The following SENP7 variants were observed in gnomAD, a reference collection of about 807,000 sequenced individuals.
The protein encoded by SENP7 is SUMO specific peptidase 7, also known as sentrin-specific protease 7.
Under a neutral mutation model 141.2 loss-of-function variants are expected in SENP7, and 64 were observed. The observed-to-expected ratio is 0.45, with a 90% CI of 0.37 to 0.56. SENP7 has a LOEUF of 0.56. Among genes scored for constraint, SENP7 ranks in the 20% least tolerant of loss-of-function variants. The pLI is 0.00. For synonymous variants in SENP7, 382 were observed against 426.4 expected, an observed-to-expected ratio of 0.90 and a Z score of 1.28; for missense variants, 1,025 against 1,212.2, an observed-to-expected ratio of 0.85 and a Z score of 2.29.
chr3:101,355,442 T>C (rs1237654845), intron 11 of SENP7, among the ~76,000 whole-genome samples: 1 of 152,204 alleles, frequency 6.6e-6, no homozygotes, highest in African/African-American at 2.4e-5. Context: ...TAGCCAGTTA[T>C]CTTAGCACCG....
chr3:101,451,969 G>C (rs528133681), intron 4 of SENP7, among the ~76,000 whole-genome samples: 1 of 152,280 alleles, frequency 6.6e-6, no homozygotes, highest in African/African-American at 2.4e-5. Flanking sequence ...AAACCCCATT[G>C]TCTCAGCCCA....
At chr3:101,363,785 C>T (rs1378018339) in intron 10 of SENP7, among the ~76,000 whole-genome samples, 3 of 152,146 alleles carry the variant, frequency 2.0e-5, no homozygotes, top group South Asian at 2.1e-4. Context: ...TTTCATAGAT[C>T]GGGCCAACTC....
At chr3:101,374,328 A>G (rs765348548) in intron 6 of SENP7, among the ~76,000 whole-genome samples, 1 of 152,236 alleles carries the variant, frequency 6.6e-6, no homozygotes, top group Non-Finnish European at 1.5e-5. Flanking sequence ...ACACCTAAAT[A>G]TAAGGCAGAA....
At chr3:101,331,713 T>C (rs2059059666) in intron 19 of SENP7, among the ~76,000 whole-genome samples, 1 of 152,090 alleles carries the variant, frequency 6.6e-6, no homozygotes, top group Non-Finnish European at 1.5e-5. Flanking sequence ...GTATTGATGT[T>C]GGTCATATTA....
chr3:101,497,595 C>A (rs185441855), intron 2 of SENP7, among the ~76,000 whole-genome samples: 1 of 151,310 alleles, frequency 6.6e-6, no homozygotes, highest in Non-Finnish European at 1.5e-5. Context: ...CTTTGACCAA[C>A]AAATCTGTAA....
intron 9 of SENP7, among the ~76,000 whole-genome samples, chr3:101,365,899 T>C (rs954491579): frequency 6.6e-6 from 1 of 152,168 alleles, no homozygotes; most frequent in Admixed American, 6.5e-5. Context: ...TCTAACAGTG[T>C]ATTGTGCCAT....
intron 3 of SENP7, among the ~76,000 whole-genome samples, chr3:101,463,377 A>ATATATATG (rs2063631006): frequency 1.1e-5 from 1 of 87,414 alleles, no homozygotes; most frequent in Non-Finnish European, 2.2e-5. Context: ...ATATATATAT[A>ATATATATG]TATATATATA....
intron 6 of SENP7, among the ~76,000 whole-genome samples, chr3:101,377,220 T>C (rs1199892643): frequency 6.6e-6 from 1 of 152,172 alleles, no homozygotes; most frequent in African/African-American, 2.4e-5. Flanking sequence ...GGAAGTTATC[T>C]ATCCTAACGG....
At chr3:101,454,041 G>T (rs566678431) in intron 4 of SENP7, among the ~76,000 whole-genome samples, 1 of 152,256 alleles carries the variant, frequency 6.6e-6, no homozygotes, top group African/African-American at 2.4e-5. Flanking sequence ...AACGGAAGGA[G>T]ATAAGCACTG....
chr3:101,440,725 A>T (rs998574727), intron 4 of SENP7, among the ~76,000 whole-genome samples: 1 of 152,130 alleles, frequency 6.6e-6, no homozygotes, highest in Non-Finnish European at 1.5e-5. Context: ...AAGAAAAAAA[A>T]CCATATATGA....
chr3:101,352,731 C>G (rs189529962), intron 11 of SENP7, among the ~76,000 whole-genome samples: 9 of 152,040 alleles, frequency 5.9e-5, no homozygotes, highest in Admixed American at 5.2e-4. Context: ...GGTCTGTGAG[C>G]ACAAAACGAA....
chr3:101,363,091 A>G, intron 10 of SENP7: 1 of 718,362 alleles, frequency 1.4e-6, no homozygotes, highest in Non-Finnish European at 1.7e-6. Flanking sequence ...AACATATATC[A>G]TACTCATTAT....
At chr3:101,359,448 T>C (rs1358591895) in intron 11 of SENP7, among the ~76,000 whole-genome samples, 2 of 151,012 alleles carry the variant, frequency 1.3e-5, no homozygotes, top group African/African-American at 4.8e-5. Context: ...AGGGATAGTT[T>C]GACTTCCTCT....
At position 101,330,380 on chromosome 3, in the gene SENP7, T is replaced by A. The variant is rs2059017130; in HGVS notation, c.2705A>T (p.Asp902Val). ...SQNDNKTIDNDLRTTSTLSLS... is the reference protein window; with the variant it reads ...SQNDNKTIDNVLRTTSTLSLS... Reference sequence around the variant, plus strand: ...AGACAGTGTCGAAGTAGTACGTAGATCATTATCTAGTTAGAAATAATTAAG... The same window carrying A: ...AGACAGTGTCGAAGTAGTACGTAGAACATTATCTAGTTAGAAATAATTAAG... The change falls in exon 20 of 24, where the codon GAT (aspartate) becomes GTT (valine). Residue 902 changes from aspartate (D) to valine (V), a missense_variant. By Grantham distance (152) the Asp-to-Val change is radical. Transcript: ENST00000394095. 1 of 1,604,362 alleles carries A rather than the reference T, an allele frequency of 6.2e-7. No individual in the cohort carries two copies. The highest frequency in any genetic ancestry group is 1.3e-5 in the African/African-American group (1 of 74,658).
chr3:101,400,947 A>G (rs749805300), intron 5 of SENP7, among the ~76,000 whole-genome samples: 8 of 151,914 alleles, frequency 5.3e-5, no homozygotes, highest in Non-Finnish European at 1.5e-5. Context: ...ATAATTAACG[A>G]GCCATCCAGC....
chr3:101,486,140 A>C (rs1458763719), intron 3 of SENP7, among the ~76,000 whole-genome samples: 1 of 152,128 alleles, frequency 6.6e-6, no homozygotes, highest in East Asian at 1.9e-4. Context: ...AAGAATAATC[A>C]GTGTTGCTGA....
intron 2 of SENP7, among the ~76,000 whole-genome samples, chr3:101,500,095 ACTT>A (rs1193015269): frequency 3.9e-5 from 6 of 152,142 alleles, no homozygotes; most frequent in Non-Finnish European, 8.8e-5. Context: ...TTCCTTTATG[ACTT>A]CTTCTCCTTC....
chr3:101,367,077 A>G (rs1385705503), intron 8 of SENP7, among the ~76,000 whole-genome samples: 1 of 152,176 alleles, frequency 6.6e-6, no homozygotes, highest in Non-Finnish European at 1.5e-5. Context: ...ATGTATTTAC[A>G]TATTTTTATT....
At chr3:101,510,895 C>T (rs1249724896) in intron 1 of SENP7, among the ~76,000 whole-genome samples, 2 of 144,496 alleles carry the variant, frequency 1.4e-5, no homozygotes, top group East Asian at 2.1e-4. Context: ...TTAGCAACAA[C>T]TTACAATGAA....
Sources: allele counts gnomAD v4.1 joint callset (sites outside exome capture counted in the v4.1 genomes callset), GRCh38; gene constraint gnomAD v4.1.1; transcripts MANE v1.5; gene names NCBI Gene and HGNC (gene_info 2026-07-23, HGNC 2026-07-21).